The following RNLS variants were observed in gnomAD, a reference collection of about 807,000 sequenced individuals.
The protein encoded by RNLS is renalase.
A neutral mutation model predicts 39.8 loss-of-function variants in RNLS; 39 were observed. That is an observed-to-expected ratio of 0.98 (90% CI 0.76 to 1.28). The LOEUF (loss-of-function observed/expected upper bound fraction) is 1.28. Among genes scored for constraint, RNLS ranks in the 50% most tolerant of loss-of-function variants. RNLS has a pLI of 0.00. For synonymous variants in RNLS, 147 were observed against 150.7 expected, an observed-to-expected ratio of 0.98 and a Z score of 0.18; for missense variants, 410 against 413.3, an observed-to-expected ratio of 0.99 and a Z score of 0.07.
At chr10:88,328,787 T>C (rs1009355313) in intron 5 of RNLS, among the ~76,000 whole-genome samples, 9 of 152,262 alleles carry the variant, frequency 5.9e-5, no homozygotes, top group Admixed American at 5.9e-4. Context: ...ATACAGTTAA[T>C]GTTTGTTTTT....
intron 6 of RNLS, among the ~76,000 whole-genome samples, chr10:88,285,775 C>A (rs1233508237): frequency 1.3e-5 from 2 of 152,016 alleles, no homozygotes; most frequent in African/African-American, 4.8e-5. Flanking sequence ...GTGGGCTGAA[C>A]TTCAAAATTA....
the RNLS span, among the ~76,000 whole-genome samples, chr10:88,232,251 C>T: frequency 1.2e-3 from 177 of 152,152 alleles, 1 homozygote; most frequent in African/African-American, 4.3e-3. Flanking sequence ...GTCACATGGG[C>T]CACGACTGCA....
chr10:88,338,275 T>G (rs542906163), intron 5 of RNLS, among the ~76,000 whole-genome samples: 4 of 152,364 alleles, frequency 2.6e-5, no homozygotes, highest in African/African-American at 9.6e-5. Context: ...TCTCAATCCT[T>G]GAGCCACTGT....
rs557703982 is a variant in RNLS at position 88,519,052 on chromosome 10, T to C, written c.526+53851A>G. 1.6e-4 allele frequency among the ~76,000 whole-genome samples: 25 copies of C among 152,170 alleles called. No individual in the cohort carries two copies. The South Asian group carries it at 5.2e-3, about 32-fold the overall frequency. Reference sequence around the variant, plus strand: ...AAAGCTTGGCTGCTCATTAGAACCATTTGAGAACTGTTTAAAAAGCATCTG... The same window carrying C: ...AAAGCTTGGCTGCTCATTAGAACCACTTGAGAACTGTTTAAAAAGCATCTG... On this transcript the variant is annotated intron_variant, in intron 4 of 6. Coordinates refer to ENST00000331772, the MANE Select transcript of RNLS (RefSeq NM_001031709.3).
At chr10:88,546,967 T>C (rs1791666011) in intron 4 of RNLS, among the ~76,000 whole-genome samples, 1 of 151,994 alleles carries the variant, frequency 6.6e-6, no homozygotes, top group South Asian at 2.1e-4. Context: ...GAAAACATTA[T>C]AGAAAGACTA....
intron 4 of RNLS, among the ~76,000 whole-genome samples, chr10:88,416,890 C>T (rs1026180121): frequency 5.3e-5 from 8 of 152,194 alleles, no homozygotes; most frequent in Admixed American, 3.9e-4. Flanking sequence ...AAGATGATCT[C>T]TTCCCACTTA....
At chr10:88,313,985 T>TC (rs1028948031) in intron 6 of RNLS, among the ~76,000 whole-genome samples, 1 of 152,092 alleles carries the variant, frequency 6.6e-6, no homozygotes, top group African/African-American at 2.4e-5. Context: ...CTTATCTCTC[T>TC]CCCCCAGAGA....
In RNLS at chr10:88,375,668, T is replaced by G. The variant is rs146506335; in HGVS notation, c.527-12943A>C. ...TCTGGTTTCTAATTTAGAAACAATT[T>G]CACTGTGCTAGTTTCTCCTTTTGCA... On this transcript the variant is annotated intron_variant, in intron 4 of 6. Transcript: ENST00000331772. Among the ~76,000 whole-genome samples the G allele has an allele frequency of 3.7e-3, 561 of 152,296 alleles. 3 individuals are homozygous for G. Among genetic ancestry groups the G allele is most frequent in the African/African-American group, 0.013 (536 of 41,572 alleles).
intron 4 of RNLS, among the ~76,000 whole-genome samples, chr10:88,554,396 G>A (rs775723529): frequency 1.9e-4 from 29 of 151,962 alleles, no homozygotes; most frequent in African/African-American, 3.1e-4. Flanking sequence ...AGATCAAGTC[G>A]TGGAGGGGAA....
chr10:88,562,795 G>A (rs549899708), intron 4 of RNLS, among the ~76,000 whole-genome samples: 29 of 152,040 alleles, frequency 1.9e-4, no homozygotes, highest in African/African-American at 5.8e-4. Context: ...AGATACCAAC[G>A]GAAAAGATAA....
intron 4 of RNLS, among the ~76,000 whole-genome samples, chr10:88,498,883 C>T (rs1845316769): frequency 6.6e-6 from 1 of 151,888 alleles, no homozygotes; most frequent in African/African-American, 2.4e-5. Context: ...TAAAATTATT[C>T]CAAAATTATA....
intron 6 of RNLS, among the ~76,000 whole-genome samples, chr10:88,305,670 T>C (rs1215749778): frequency 6.6e-6 from 1 of 152,196 alleles, no homozygotes; most frequent in African/African-American, 2.4e-5. Flanking sequence ...AGCACCTAGA[T>C]GCATAAATCA....
At chr10:88,530,413 T>C (rs984016629) in intron 4 of RNLS, among the ~76,000 whole-genome samples, 8 of 152,222 alleles carry the variant, frequency 5.3e-5, no homozygotes, top group African/African-American at 1.7e-4. Flanking sequence ...TCTCTGTTTT[T>C]GTGACTTTTA....
the RNLS span, among the ~76,000 whole-genome samples, chr10:88,197,522 C>T: frequency 6.6e-6 from 1 of 152,162 alleles, no homozygotes; most frequent in African/African-American, 2.4e-5. Context: ...TAACAACAAC[C>T]ACCGCAATTC....
At chr10:88,550,306 T>C (rs978008680) in intron 4 of RNLS, among the ~76,000 whole-genome samples, 3 of 152,210 alleles carry the variant, frequency 2.0e-5, no homozygotes, top group Admixed American at 6.5e-5. Context: ...TGATTTTTTT[T>C]CCTTCAATGT....
At chr10:88,545,409 C>T in intron 4 of RNLS, 1 of 454,748 alleles carries the variant, frequency 2.2e-6, no homozygotes, top group South Asian at 1.6e-5. Context: ...GCTGGAAAGG[C>T]CTCACAATCA....
downstream of RNLS, among the ~76,000 whole-genome samples, chr10:88,279,326 T>C (rs529070528): frequency 1.3e-5 from 2 of 152,146 alleles, no homozygotes; most frequent in South Asian, 4.1e-4. Flanking sequence ...ACTATTATAA[T>C]AGTAATAATA....
chr10:88,385,379 C>T (rs1851797708), intron 4 of RNLS, among the ~76,000 whole-genome samples: 1 of 152,158 alleles, frequency 6.6e-6, no homozygotes, highest in African/African-American at 2.4e-5. Flanking sequence ...TATACTTACA[C>T]TCACTAAATT....
Position 88,284,427 on chromosome 10 carries a change from G to T in RNLS, c.*927C>A. The T allele has an allele frequency of 1.4e-5, 14 of 985,360 alleles. No homozygotes were observed. Among genetic ancestry groups the T allele is most frequent in the Non-Finnish European group, 1.7e-5 (14 of 829,894 alleles). The allele number at this position is 985,360 out of a possible 1,614,324, so 61.0% of individuals were successfully genotyped here. ...TTGATTTCTCTCCAGCTAGCAAGTCGTGGGGTCAGGTCACTGAAGCATGTG... is the reference window on the plus strand; with the variant it reads ...TTGATTTCTCTCCAGCTAGCAAGTCTTGGGGTCAGGTCACTGAAGCATGTG... On this transcript the variant is annotated 3_prime_UTR_variant, in exon 7 of 7. Coordinates refer to ENST00000331772, the MANE Select transcript of RNLS (RefSeq NM_001031709.3).
Sources: allele counts gnomAD v4.1 joint callset (sites outside exome capture counted in the v4.1 genomes callset), GRCh38; gene constraint gnomAD v4.1.1; transcripts MANE v1.5; gene names NCBI Gene and HGNC (gene_info 2026-07-23, HGNC 2026-07-21).